SKIC2: variants seen among roughly 807,000 people sequenced by gnomAD.
SKIC2 encodes the protein superkiller complex protein 2.
the SKIC2 span, chr6:31,969,621 T>C: frequency 6.2e-7 from 1 of 1,612,802 alleles, no homozygotes. This position sits in a 1 kb window ranked among gnomAD's most constrained non-coding sequence, Gnocchi z 6.1. Context: ...GCAGCCCGCC[T>C]GGTAGGAGAG....
At chr6:31,960,680 C>T in the SKIC2 span, 1 of 1,587,008 alleles carries the variant, frequency 6.3e-7, no homozygotes, top group Non-Finnish European at 8.6e-7. Flanking sequence ...GATGGATGAA[C>T]CCACCATAAC....
At chr6:31,963,065 C>A in the SKIC2 span, 1 of 1,612,656 alleles carries the variant, frequency 6.2e-7, no homozygotes, top group Non-Finnish European at 8.5e-7. This position sits in a 1 kb window ranked among gnomAD's most constrained non-coding sequence, Gnocchi z 5.3. Flanking sequence ...CCGTCCCCAA[C>A]GCCCTTGAGT....
At chr6:31,965,694 A>G in the SKIC2 span, 24 of 744,974 alleles carry the variant, frequency 3.2e-5, no homozygotes, top group Admixed American at 2.5e-4. This position sits in a 1 kb window ranked among gnomAD's most constrained non-coding sequence, Gnocchi z 5.6. Context: ...ATGGTGCCTT[A>G]TGCCTACAAA....
chr6:31,964,225 A>G, the SKIC2 span: 2 of 1,612,642 alleles, frequency 1.2e-6, no homozygotes, highest in African/African-American at 1.3e-5. This position sits in a 1 kb window ranked among gnomAD's most constrained non-coding sequence, Gnocchi z 5.0. Context: ...GCCTCCTCCC[A>G]CCAAAGGTCC....
chr6:31,966,235 C>G, the SKIC2 span, among the ~76,000 whole-genome samples: 1 of 152,036 alleles, frequency 6.6e-6, no homozygotes, highest in African/African-American at 2.4e-5. The surrounding 1 kb of genome is among the most constrained non-coding windows in gnomAD (Gnocchi z 5.9). Flanking sequence ...AGGTGGGATT[C>G]CAGGCACATG....
the SKIC2 span, chr6:31,969,454 C>T: frequency 6.2e-7 from 1 of 1,614,030 alleles, no homozygotes. The surrounding 1 kb of genome is among the most constrained non-coding windows in gnomAD (Gnocchi z 6.1). Flanking sequence ...TTGCAGACGG[C>T]TGGCTGGGGA....
the SKIC2 span, chr6:31,966,803 T>A: frequency 6.2e-7 from 1 of 1,614,188 alleles, no homozygotes; most frequent in South Asian, 1.1e-5. This position sits in a 1 kb window ranked among gnomAD's most constrained non-coding sequence, Gnocchi z 5.9. Context: ...GAGGACATGA[T>A]GAAGAGGAGC....
chr6:31,959,864 A>G, the SKIC2 span: 1 of 633,328 alleles, frequency 1.6e-6, no homozygotes, highest in Non-Finnish European at 2.8e-6. Flanking sequence ...GTAATTCAGT[A>G]GCAGGTAGTT....
At chr6:31,960,043 C>T in the SKIC2 span, 1 of 1,613,076 alleles carries the variant, frequency 6.2e-7, no homozygotes, top group Non-Finnish European at 8.5e-7. Flanking sequence ...TGCCCCAGAT[C>T]TGCAGCAAGA....
chr6:31,966,705 C>T, the SKIC2 span: 1 of 1,614,010 alleles, frequency 6.2e-7, no homozygotes, highest in Non-Finnish European at 8.5e-7. This position sits in a 1 kb window ranked among gnomAD's most constrained non-coding sequence, Gnocchi z 5.9. Context: ...TGACCTGACT[C>T]CAGGGGAAGC....
At chr6:31,963,960 C>T in the SKIC2 span, 1 of 1,612,328 alleles carries the variant, frequency 6.2e-7, no homozygotes, top group South Asian at 1.1e-5. This position sits in a 1 kb window ranked among gnomAD's most constrained non-coding sequence, Gnocchi z 5.3. Flanking sequence ...GCACACGTGC[C>T]CAGTTGCCCG....
chr6:31,962,075 C>T, the SKIC2 span: 1 of 1,610,300 alleles, frequency 6.2e-7, no homozygotes, highest in South Asian at 1.1e-5. This position sits in a 1 kb window ranked among gnomAD's most constrained non-coding sequence, Gnocchi z 5.0. Context: ...CTTTGCCAAC[C>T]TCCCCCTTCA....
At chr6:31,967,813 G>C in the SKIC2 span, 1 of 1,613,026 alleles carries the variant, frequency 6.2e-7, no homozygotes, top group Non-Finnish European at 8.5e-7. This position sits in a 1 kb window ranked among gnomAD's most constrained non-coding sequence, Gnocchi z 4.9. Context: ...CCACTGCAGA[G>C]GTGCCCTATC....
chr6:31,960,054 A>T, the SKIC2 span: 4 of 1,613,072 alleles, frequency 2.5e-6, no homozygotes, highest in Non-Finnish European at 3.4e-6. Context: ...TGCAGCAAGA[A>T]GCAGAACAGT....
the SKIC2 span, among the ~76,000 whole-genome samples, chr6:31,966,172 C>T: frequency 3.9e-5 from 6 of 152,208 alleles, no homozygotes; most frequent in South Asian, 2.1e-4. This position sits in a 1 kb window ranked among gnomAD's most constrained non-coding sequence, Gnocchi z 5.9. Context: ...CTCGGGTCAC[C>T]GCAACCTCTG....
the SKIC2 span, chr6:31,959,671 C>T: frequency 1.8e-6 from 1 of 552,856 alleles, no homozygotes; most frequent in Non-Finnish European, 3.2e-6. Context: ...AGCACCAGGG[C>T]ACTTGGTGAC....
At chr6:31,969,070 TC>T in the SKIC2 span, 1 of 1,611,476 alleles carries the variant, frequency 6.2e-7, no homozygotes, top group Non-Finnish European at 8.5e-7. This position sits in a 1 kb window ranked among gnomAD's most constrained non-coding sequence, Gnocchi z 6.1. Context: ...GGGGATCAGC[TC>T]CCAAACACCC....
the SKIC2 span, chr6:31,963,393 C>T: frequency 1.3e-6 from 2 of 1,526,766 alleles, no homozygotes; most frequent in South Asian, 1.3e-5. The surrounding 1 kb of genome is among the most constrained non-coding windows in gnomAD (Gnocchi z 5.3). Flanking sequence ...CCCTGACCTG[C>T]TTCCCTCTCC....
chr6:31,961,819 C>T, the SKIC2 span: 17 of 1,568,992 alleles, frequency 1.1e-5, no homozygotes, highest in Non-Finnish European at 1.5e-5. Flanking sequence ...TGGCTCCGGC[C>T]TTCATCCGCC....
Sources: gnomAD v4.1 joint callset for allele counts (sites outside exome capture counted in the v4.1 genomes callset) on GRCh38, gnomAD v4.1.1 for gene constraint, Gnocchi (gnomAD v3.1) non-coding constraint, MANE v1.5 for transcripts, NCBI Gene and HGNC (gene_info 2026-07-23, HGNC 2026-07-21) for gene names.